SREK1IP1: variants seen among roughly 807,000 people sequenced by gnomAD.
SREK1IP1 encodes the protein protein SREK1IP1.
In SREK1IP1, 12 loss-of-function variants were observed where a neutral mutation model predicts 22.8. The observed-to-expected ratio is 0.53, with a 90% CI of 0.34 to 0.85. SREK1IP1 has a LOEUF of 0.85. Among genes scored for constraint, SREK1IP1 ranks in the 40% least tolerant of loss-of-function variants. The probability of loss-of-function intolerance (pLI) is 0.02; values close to 1 mark genes in which losing one functional copy is unlikely to be tolerated. For missense variants in SREK1IP1, 147 were observed against 171.8 expected, an observed-to-expected ratio of 0.86 and a Z score of 0.81; for synonymous variants, 53 against 52.7, an observed-to-expected ratio of 1.01 and a Z score of -0.02.
rs370756559 is a variant in SREK1IP1, at chr5:64,768,605, C to T, written c.-88G>A. 3.3e-5 allele frequency: 52 copies of T among 1,597,260 alleles called. No individual in the cohort carries two copies. Among genetic ancestry groups the T allele is most frequent in the Non-Finnish European group, 4.5e-5 (52 of 1,167,184 alleles). On this transcript the variant is annotated 5_prime_UTR_variant, in exon 1 of 5. Coordinates refer to ENST00000513458, the MANE Select transcript of SREK1IP1 (RefSeq NM_173829.4). Reference sequence around the variant, plus strand: ...CTGTGAGAACAAGGCACAGTCAAAGCGGCGTTTTCCTTCCCCCAGCGCAGC... The same window carrying T: ...CTGTGAGAACAAGGCACAGTCAAAGTGGCGTTTTCCTTCCCCCAGCGCAGC...
chr5:64,747,088 C>T (rs1742651148), intron 2 of SREK1IP1, among the ~76,000 whole-genome samples: 1 of 152,164 alleles, frequency 6.6e-6, no homozygotes, highest in Admixed American at 6.5e-5. Flanking sequence ...CATGTGCTCT[C>T]TGTGTGCCAC....
intron 3 of SREK1IP1, among the ~76,000 whole-genome samples, chr5:64,734,943 T>TG (rs1742434469): frequency 6.6e-6 from 1 of 152,138 alleles, no homozygotes; most frequent in Admixed American, 6.5e-5. Flanking sequence ...TCCAGCAGAA[T>TG]GTTGAGTAGA....
At chr5:64,729,731 T>C (rs1160660908) in intron 3 of SREK1IP1, among the ~76,000 whole-genome samples, 1 of 152,078 alleles carries the variant, frequency 6.6e-6, no homozygotes, top group Non-Finnish European at 1.5e-5. Context: ...CGAAGGATGA[T>C]GGAACGAAAG....
chr5:64,724,618 G>C, intron 4 of SREK1IP1, 45 bp from the exon 5 acceptor site: 1 of 1,369,238 alleles, frequency 7.3e-7, no homozygotes, highest in Non-Finnish European at 9.7e-7. Context: ...ATTTATGACT[G>C]ATAGATAAAT....
intron 3 of SREK1IP1, among the ~76,000 whole-genome samples, chr5:64,732,392 G>GA (rs1222090354): frequency 6.6e-6 from 1 of 151,848 alleles, no homozygotes; most frequent in Non-Finnish European, 1.5e-5. Context: ...TCAGCAAGAA[G>GA]AAAAAATAAA....
rs1742098920 is a variant in SREK1IP1 at position 64,718,765 on chromosome 5, C to T, written c.*5619G>A. 6.6e-6 allele frequency: 1 copy of T among 151,680 alleles called. No individual in the cohort carries two copies. Among genetic ancestry groups the T allele is most frequent in the South Asian group, 2.1e-4 (1 of 4,796 alleles). 9.4% of individuals were successfully genotyped at this position (151,680 alleles called of 1,614,324 possible). A position where few individuals can be genotyped will look rare whatever the true frequency, so the allele number is the denominator to read the frequency against. ...TTCATAAGTGTGTTTTCTATTATAA[C>T]ACAGACCTGGTTTTGTAACAGAATT... On this transcript the variant is annotated 3_prime_UTR_variant, in exon 5 of 5. Coordinates refer to ENST00000513458, the MANE Select transcript of SREK1IP1 (RefSeq NM_173829.4).
Position 64,724,394 on chromosome 5 carries a change from G to C in SREK1IP1, c.458C>G (p.Ser153Cys). The change falls in exon 5 of 5, where the codon TCC becomes TGC. Residue 153 changes from serine to cysteine, a missense_variant. Coordinates refer to ENST00000513458, the MANE Select transcript of SREK1IP1 (RefSeq NM_173829.4). ...HSSTPNSSEFSRK is the reference protein window; with the variant it reads ...HSSTPNSSEFCRK ...AAGCCAAAGTCTCAGTTACTTTCTGGAGAATTCAGAACTATTAGGTGTAGA... is the reference window on the plus strand; with the variant it reads ...AAGCCAAAGTCTCAGTTACTTTCTGCAGAATTCAGAACTATTAGGTGTAGA... The C allele has an allele frequency of 6.5e-7, 1 of 1,537,222 alleles. No homozygotes were observed. The highest frequency in any genetic ancestry group is 8.7e-7 in the Non-Finnish European group (1 of 1,149,904).
At chr5:64,744,725 A>T (rs1354705795) in intron 2 of SREK1IP1, among the ~76,000 whole-genome samples, 2 of 152,106 alleles carry the variant, frequency 1.3e-5, no homozygotes, top group African/African-American at 4.8e-5. Context: ...GTTGGACTTA[A>T]TTTTTTAAAT....
chr5:64,726,886 A>G (rs1037323960), intron 4 of SREK1IP1, among the ~76,000 whole-genome samples: 1 of 152,208 alleles, frequency 6.6e-6, no homozygotes, highest in Non-Finnish European at 1.5e-5. Context: ...GCACCATCAT[A>G]AAGTTGAAAG....
At chr5:64,748,044 C>T (rs1427018905) in intron 2 of SREK1IP1, among the ~76,000 whole-genome samples, 1 of 152,178 alleles carries the variant, frequency 6.6e-6, no homozygotes, top group Non-Finnish European at 1.5e-5. Flanking sequence ...GATACTCGTA[C>T]ATCAACATTC....
intron 2 of SREK1IP1, among the ~76,000 whole-genome samples, chr5:64,741,627 T>C (rs1011883495): frequency 2.0e-5 from 3 of 152,170 alleles, no homozygotes; most frequent in Admixed American, 6.6e-5. Flanking sequence ...ATTATATACC[T>C]TTCATCTAAT....
intron 4 of SREK1IP1, among the ~76,000 whole-genome samples, chr5:64,726,995 T>C (rs1182195807): frequency 1.3e-5 from 2 of 152,198 alleles, no homozygotes; most frequent in African/African-American, 4.8e-5. Flanking sequence ...TGTGCTAGAA[T>C]AAATGATTTA....
chr5:64,733,352 A>T (rs1442373221), intron 3 of SREK1IP1, among the ~76,000 whole-genome samples: 2 of 152,186 alleles, frequency 1.3e-5, no homozygotes, highest in Non-Finnish European at 2.9e-5. Context: ...CATACAAAAT[A>T]TACACATGTA....
At chr5:64,765,727 A>C (rs981046769) in intron 1 of SREK1IP1, among the ~76,000 whole-genome samples, 1 of 152,230 alleles carries the variant, frequency 6.6e-6, no homozygotes, top group Non-Finnish European at 1.5e-5. Flanking sequence ...GAAGGTTAAC[A>C]TATCTATAAC....
intron 2 of SREK1IP1, among the ~76,000 whole-genome samples, chr5:64,748,448 T>C (rs1294068394): frequency 1.3e-5 from 2 of 152,216 alleles, no homozygotes; most frequent in Admixed American, 1.3e-4. Flanking sequence ...CACTGAATTG[T>C]ATATTTAAAA....
At chr5:64,763,623 A>G (rs1742989310) in intron 1 of SREK1IP1, among the ~76,000 whole-genome samples, 1 of 152,236 alleles carries the variant, frequency 6.6e-6, no homozygotes. Context: ...CTAATGAAAC[A>G]GAATGAAGAC....
chr5:64,740,484 T>C (rs758463235), intron 3 of SREK1IP1, among the ~76,000 whole-genome samples: 6 of 152,134 alleles, frequency 3.9e-5, no homozygotes, highest in Non-Finnish European at 8.8e-5. Context: ...AAGAAACTTC[T>C]TATGTTAATA....
At chr5:64,727,235 T>TA (rs1742286679) in intron 4 of SREK1IP1, among the ~76,000 whole-genome samples, 2 of 151,974 alleles carry the variant, frequency 1.3e-5, no homozygotes, top group African/African-American at 4.8e-5. Context: ...TAATTATGGT[T>TA]AAGTGCTTTT....
At chr5:64,738,706 G>A (rs1412424659) in intron 3 of SREK1IP1, among the ~76,000 whole-genome samples, 10 of 151,756 alleles carry the variant, frequency 6.6e-5, no homozygotes, top group Non-Finnish European at 1.2e-4. Context: ...GACCATGAGG[G>A]GTGTTAAGAA....
Sources: gnomAD v4.1 joint callset for allele counts (sites outside exome capture counted in the v4.1 genomes callset) on GRCh38, gnomAD v4.1.1 for gene constraint, MANE v1.5 for transcripts, NCBI Gene and HGNC (gene_info 2026-07-23, HGNC 2026-07-21) for gene names.